Variants in CRACDL observed in about 807,000 individuals in gnomAD.
The protein encoded by CRACDL is CRACD-like protein.
A neutral mutation model predicts 70.6 loss-of-function variants in CRACDL; 26 were observed. That is an observed-to-expected ratio of 0.37 (90% CI 0.27 to 0.51). The LOEUF (loss-of-function observed/expected upper bound fraction) is 0.51. CRACDL is among the 20% of genes least tolerant of loss of function. The pLI, the probability that CRACDL is intolerant of heterozygous loss-of-function variation, is 0.94. For missense variants in CRACDL, 1,283 were observed against 1,376.9 expected (o/e 0.93, Z 1.08); for synonymous variants, 618 against 615.2 (o/e 1.00, Z -0.07).
At chr2:98,816,950 T>C (rs1276406223) in intron 7 of CRACDL, among the ~76,000 whole-genome samples, 1 of 152,226 alleles carries the variant, frequency 6.6e-6, no homozygotes, top group Non-Finnish European at 1.5e-5. Context: ...GGAAACAGCC[T>C]AAATGTGTTT....
intron 7 of CRACDL, among the ~76,000 whole-genome samples, chr2:98,804,408 G>A (rs1704204558): frequency 6.6e-6 from 1 of 152,168 alleles, no homozygotes; most frequent in Admixed American, 6.5e-5. Context: ...CAATATGCAT[G>A]GTGTTGGCAT....
intron 1 of CRACDL, among the ~76,000 whole-genome samples, chr2:98,906,541 C>T (rs547807690): frequency 2.6e-4 from 31 of 120,708 alleles, no homozygotes; most frequent in African/African-American, 1.0e-3. Flanking sequence ...GGATTACAGG[C>T]GTGAGCCATT....
chr2:98,811,366 G>A (rs546490927), intron 7 of CRACDL, among the ~76,000 whole-genome samples: 1 of 151,570 alleles, frequency 6.6e-6, no homozygotes, highest in Non-Finnish European at 1.5e-5. Context: ...AAAAAAATTA[G>A]CTAGGCATGG....
intron 7 of CRACDL, among the ~76,000 whole-genome samples, chr2:98,800,692 T>C (rs999990486): frequency 6.6e-6 from 1 of 152,238 alleles, no homozygotes; most frequent in African/African-American, 2.4e-5. Context: ...TGTTTGGTAC[T>C]AGACATGTTT....
chr2:98,833,437 C>T (rs1705635746), intron 3 of CRACDL, among the ~76,000 whole-genome samples: 1 of 152,184 alleles, frequency 6.6e-6, no homozygotes, highest in African/African-American at 2.4e-5. Context: ...TGAGGGCCTG[C>T]TTGATGAACG....
In CRACDL at chr2:98,824,286, C is replaced by G. The variant is rs190854615; in HGVS notation, c.736-749G>C. ...TGACTGTCACCTCCCCACTCTCCCCCACCCCCCTGCCCCCAACCTCCAAGA... is the reference window on the plus strand; with the variant it reads ...TGACTGTCACCTCCCCACTCTCCCCGACCCCCCTGCCCCCAACCTCCAAGA... On this transcript the variant is annotated intron_variant, in intron 6 of 9. Coordinates refer to ENST00000397899, the MANE Select transcript of CRACDL (RefSeq NM_207362.3). Among the ~76,000 whole-genome samples, 660 of 147,268 alleles carry G rather than the reference C, an allele frequency of 4.5e-3. 7 individuals carry two copies. Among genetic ancestry groups the G allele is most frequent in the African/African-American group, 0.016 (630 of 39,498 alleles).
At chr2:98,843,162 T>G (rs1706108981) in intron 2 of CRACDL, among the ~76,000 whole-genome samples, 1 of 152,216 alleles carries the variant, frequency 6.6e-6, no homozygotes, top group South Asian at 2.1e-4. Context: ...ATTGAGCATT[T>G]CTTCATATGC....
chr2:98,888,050 A>C (rs996976293), intron 1 of CRACDL, among the ~76,000 whole-genome samples: 1 of 152,220 alleles, frequency 6.6e-6, no homozygotes, highest in African/African-American at 2.4e-5. Flanking sequence ...GTTTAAGATG[A>C]TTAATTTTAT....
At chr2:98,905,337 C>T (rs1198446677) in intron 1 of CRACDL, among the ~76,000 whole-genome samples, 1 of 152,140 alleles carries the variant, frequency 6.6e-6, no homozygotes, top group Non-Finnish European at 1.5e-5. Context: ...CTCCCTCTGC[C>T]TTCCACCATG....
intron 7 of CRACDL, among the ~76,000 whole-genome samples, chr2:98,813,632 AT>A (rs2104442726): frequency 6.6e-6 from 1 of 152,342 alleles, no homozygotes; most frequent in South Asian, 2.1e-4. Flanking sequence ...TTAGAAAAAA[AT>A]ATGAGAAAAT....
At chr2:98,910,783 GTT>G (rs1708529113) in intron 1 of CRACDL, among the ~76,000 whole-genome samples, 1 of 152,196 alleles carries the variant, frequency 6.6e-6, no homozygotes, top group African/African-American at 2.4e-5. Flanking sequence ...CTCGGCCAGG[GTT>G]TGCCCTGACA....
intron 7 of CRACDL, among the ~76,000 whole-genome samples, chr2:98,818,413 A>C (rs1704878625): frequency 6.6e-6 from 1 of 152,172 alleles, no homozygotes; most frequent in African/African-American, 2.4e-5. Flanking sequence ...AGAGAGGAGG[A>C]GGAATAAACC....
chr2:98,794,184 C>G lies in CRACDL; in HGVS notation c.*348G>C, dbSNP rs545452861. On this transcript the variant is annotated 3_prime_UTR_variant, in exon 10 of 10. Transcript: ENST00000397899. ...CTCCTAGAAGGGCTTCTCTTCTGGC[C>G]TTTGCTGGGTGTCCTATTTATGTGT... 1 of 174,206 alleles carries G rather than the reference C, an allele frequency of 5.7e-6. No individual in the cohort carries two copies. Among genetic ancestry groups the G allele is most frequent in the Non-Finnish European group, 1.2e-5 (1 of 82,292 alleles). The allele number at this position is 174,206 out of a possible 1,614,324, so 10.8% of individuals were successfully genotyped here. A position where few individuals can be genotyped will look rare whatever the true frequency, so the allele number is the denominator to read the frequency against.
chr2:98,894,504 C>T lies in CRACDL; in HGVS notation c.-11+41434G>A, dbSNP rs555058013. Among the ~76,000 whole-genome samples the T allele has an allele frequency of 1.9e-4, 29 of 152,308 alleles. No homozygotes were observed. In the South Asian group the frequency reaches 2.5e-3, roughly 13 times the overall value. ...ACCTAAAGTCACGCACAGAGGGGTG[C>T]GGGGCGGGCCCTCCTGGCCCAGCAC... On this transcript the variant is annotated intron_variant, in intron 1 of 9. Transcript: ENST00000397899.
chr2:98,903,448 C>T (rs909719703), intron 1 of CRACDL, among the ~76,000 whole-genome samples: 1 of 152,158 alleles, frequency 6.6e-6, no homozygotes, highest in African/African-American at 2.4e-5. Context: ...TCACCCCATG[C>T]CTAAAAATCT....
intron 9 of CRACDL, among the ~76,000 whole-genome samples, chr2:98,795,734 T>C (rs953512890): frequency 6.6e-6 from 1 of 152,168 alleles, no homozygotes; most frequent in Non-Finnish European, 1.5e-5. Flanking sequence ...CACCTGCATA[T>C]ACCAAAATCT....
chr2:98,918,627 T>A (rs1708726891), intron 1 of CRACDL, among the ~76,000 whole-genome samples: 1 of 149,668 alleles, frequency 6.7e-6, no homozygotes, highest in African/African-American at 2.4e-5. Flanking sequence ...ATAATAGCCA[T>A]CCTTTCTGCT....
At chr2:98,825,954 C>T (rs184840775) in intron 6 of CRACDL, among the ~76,000 whole-genome samples, 2 of 152,316 alleles carry the variant, frequency 1.3e-5, no homozygotes, top group East Asian at 1.9e-4. Context: ...GCCCTGGGTA[C>T]TTCACCAACA....
intron 1 of CRACDL, among the ~76,000 whole-genome samples, chr2:98,926,768 A>T (rs1199722245): frequency 1.3e-5 from 2 of 152,198 alleles, no homozygotes; most frequent in South Asian, 2.1e-4. Flanking sequence ...CTCATGAAAA[A>T]ACATTGGCTA....
Sources: gnomAD v4.1 joint callset for allele counts (sites outside exome capture counted in the v4.1 genomes callset) on GRCh38, gnomAD v4.1.1 for gene constraint, MANE v1.5 for transcripts, NCBI Gene and HGNC (gene_info 2026-07-23, HGNC 2026-07-21) for gene names.